The following CAST variants were observed in gnomAD, a reference collection of about 807,000 sequenced individuals.
CAST encodes calpastatin.
A neutral mutation model predicts 119.6 loss-of-function variants in CAST; 76 were observed. The ratio of observed to expected loss-of-function variants is 0.64; its 90% CI spans 0.53 to 0.77. CAST has a LOEUF of 0.77. CAST is among the 30% of genes least tolerant of loss of function. The probability of loss-of-function intolerance (pLI) is 0.00; values close to 1 mark genes in which losing one functional copy is unlikely to be tolerated. For synonymous variants in CAST, 319 were observed against 331.6 expected, an observed-to-expected ratio of 0.96 and a Z score of 0.41; for missense variants, 953 against 946.5, an observed-to-expected ratio of 1.01 and a Z score of -0.09.
the CAST span, among the ~76,000 whole-genome samples, chr5:96,363,748 G>C: frequency 6.6e-6 from 1 of 152,088 alleles, no homozygotes; most frequent in African/African-American, 2.4e-5. Flanking sequence ...AAGACGGTGG[G>C]GTTTTCTAAA....
the CAST span, among the ~76,000 whole-genome samples, chr5:96,317,298 T>C: frequency 3.1e-5 from 4 of 127,402 alleles, no homozygotes; most frequent in African/African-American, 1.3e-4. Flanking sequence ...ACTGTGTCTG[T>C]ACCAAAAATA....
At chr5:96,362,726 G>T in the CAST span, among the ~76,000 whole-genome samples, 3 of 152,136 alleles carry the variant, frequency 2.0e-5, no homozygotes, top group South Asian at 6.2e-4. Context: ...TGTGGATTCT[G>T]GATATTAGCC....
chr5:96,592,299 G>A (rs1746975754), intron 1 of CAST, among the ~76,000 whole-genome samples: 1 of 152,020 alleles, frequency 6.6e-6, no homozygotes, highest in Non-Finnish European at 1.5e-5. Context: ...TGCTTGGGAG[G>A]CTGAGGCAGG....
chr5:96,101,338 T>A, the CAST span, among the ~76,000 whole-genome samples: 45 of 152,350 alleles, frequency 3.0e-4, no homozygotes, highest in East Asian at 6.7e-3. Flanking sequence ...CCTTACAGAA[T>A]TGTAAGAATT....
chr5:96,583,501 C>T (rs900499840), intron 1 of CAST, among the ~76,000 whole-genome samples: 5 of 152,070 alleles, frequency 3.3e-5, no homozygotes, highest in African/African-American at 7.2e-5. Flanking sequence ...GGCACAATTT[C>T]GAAGTTCTGG....
the CAST span, among the ~76,000 whole-genome samples, chr5:96,107,281 T>G: frequency 1.3e-5 from 2 of 152,146 alleles, no homozygotes; most frequent in Admixed American, 6.5e-5. Context: ...GTTAGCTGGT[T>G]ATTTTGCTCA....
chr5:96,760,070 A>T (rs937185451), intron 24 of CAST, among the ~76,000 whole-genome samples: 16 of 151,998 alleles, frequency 1.1e-4, no homozygotes, highest in Non-Finnish European at 2.2e-4. Context: ...ACTGTTGAAC[A>T]CTCAGTTCTT....
chr5:96,299,503 G>A, the CAST span, among the ~76,000 whole-genome samples: 1 of 152,156 alleles, frequency 6.6e-6, no homozygotes, highest in Non-Finnish European at 1.5e-5. Flanking sequence ...CTTTGGTAAA[G>A]TTGTACTTCT....
chr5:96,535,818 C>A (rs1443632063), intron 1 of CAST, among the ~76,000 whole-genome samples: 2 of 150,662 alleles, frequency 1.3e-5, no homozygotes, highest in Non-Finnish European at 3.0e-5. Flanking sequence ...CGTGATCCTC[C>A]CGCCTCGGCC....
At chr5:96,283,098 C>G in the CAST span, among the ~76,000 whole-genome samples, 1 of 142,796 alleles carries the variant, frequency 7.0e-6, no homozygotes, top group Non-Finnish European at 1.5e-5. Context: ...CCACTGCACT[C>G]CCACCTGGGC....
chr5:96,536,783 GAGTAGGTA>G (rs1745823784), intron 1 of CAST, among the ~76,000 whole-genome samples: 1 of 152,176 alleles, frequency 6.6e-6, no homozygotes, highest in African/African-American at 2.4e-5. Flanking sequence ...CCAAATAATT[GAGTAGGTA>G]ATGGTCTGAC....
At chr5:96,319,669 C>G in the CAST span, among the ~76,000 whole-genome samples, 2 of 152,098 alleles carry the variant, frequency 1.3e-5, no homozygotes, top group Non-Finnish European at 2.9e-5. Context: ...GTATTGTTAC[C>G]TTCTCTTCAA....
At chr5:96,049,920 A>G in the CAST span, among the ~76,000 whole-genome samples, 21 of 149,240 alleles carry the variant, frequency 1.4e-4, no homozygotes, top group Non-Finnish European at 2.7e-4. Context: ...AAAAAAAAGA[A>G]AAAGAAAAAA....
At chr5:96,448,960 C>T in the CAST span, among the ~76,000 whole-genome samples, 2 of 152,148 alleles carry the variant, frequency 1.3e-5, no homozygotes, top group East Asian at 1.9e-4. Context: ...AGATCAATTA[C>T]TTCTGCTAGG....
At chr5:96,249,354 C>G in the CAST span, among the ~76,000 whole-genome samples, 1 of 152,196 alleles carries the variant, frequency 6.6e-6, no homozygotes, top group Non-Finnish European at 1.5e-5. Context: ...TTTGGCATTA[C>G]TCCCAGTCAT....
the CAST span, among the ~76,000 whole-genome samples, chr5:96,497,958 T>A: frequency 2.0e-5 from 3 of 152,362 alleles, no homozygotes; most frequent in South Asian, 6.2e-4. Flanking sequence ...CTGAATGGTA[T>A]TGCCTAGGTT....
the CAST span, among the ~76,000 whole-genome samples, chr5:96,307,893 T>G: frequency 1.3e-5 from 2 of 152,202 alleles, no homozygotes; most frequent in Non-Finnish European, 2.9e-5. Context: ...AATTTTTTCC[T>G]TTATTTCAAC....
the CAST span, among the ~76,000 whole-genome samples, chr5:96,167,483 G>T: frequency 6.6e-6 from 1 of 152,226 alleles, no homozygotes; most frequent in African/African-American, 2.4e-5. Context: ...GTACCCTGTA[G>T]CATTCCAAGG....
At chr5:96,709,285 A>G (rs1755627681) in intron 3 of CAST, among the ~76,000 whole-genome samples, 2 of 152,212 alleles carry the variant, frequency 1.3e-5, no homozygotes. Flanking sequence ...GTTTTAAGCT[A>G]GTAACTCAGC....
Sources: gnomAD v4.1 joint callset for allele counts (sites outside exome capture counted in the v4.1 genomes callset) on GRCh38, gnomAD v4.1.1 for gene constraint, MANE v1.5 for transcripts, NCBI Gene and HGNC (gene_info 2026-07-23, HGNC 2026-07-21) for gene names.